The following LEPROT variants were observed in gnomAD, a reference collection of about 807,000 sequenced individuals.
LEPROT encodes the protein leptin receptor gene-related protein.
LEPROT carries 3 observed loss-of-function variants against 15.4 expected under a neutral mutation model. That is an observed-to-expected ratio of 0.19 (90% CI 0.09 to 0.50). The LOEUF is 0.50. LEPROT is among the 20% of genes least tolerant of loss of function. The pLI is 0.97. For missense variants in LEPROT, 137 were observed against 162.2 expected, an observed-to-expected ratio of 0.84 and a Z score of 0.84; for synonymous variants, 59 against 57.5, an observed-to-expected ratio of 1.03 and a Z score of -0.12.
chr1:65,429,342 G>C (rs1203658978), intron 2 of LEPROT, among the ~76,000 whole-genome samples: 1 of 152,084 alleles, frequency 6.6e-6, no homozygotes, highest in Non-Finnish European at 1.5e-5. Flanking sequence ...AAAAAAGGCT[G>C]GTGTGGCTAC....
At position 65,431,914 on chromosome 1, in the gene LEPROT, T is replaced by C. The variant is rs1307392313; in HGVS notation, c.391T>C (p.Trp131Arg). 6.2e-7 allele frequency: 1 copy of C among 1,613,758 alleles called. No individual in the cohort carries two copies. Among genetic ancestry groups the C allele is most frequent in the Non-Finnish European group, 8.5e-7 (1 of 1,179,928 alleles). ...AGGAGATGATTTTAGCTGGGAGCAG[T>C]GGTAGCACTTTATTCTGATTACAGT... ...GRGDDFSWEQW is the reference protein window; with the variant it reads ...GRGDDFSWEQR The change falls in exon 4 of 4, where the codon TGG (tryptophan) becomes CGG (arginine). Residue 131 changes from tryptophan to arginine, a missense_variant. Coordinates refer to ENST00000371065, the MANE Select transcript of LEPROT (RefSeq NM_017526.5).
chr1:65,433,249 C>T lies in LEPROT; in HGVS notation c.*1330C>T. 1.0e-6 allele frequency: 1 copy of T among 985,394 alleles called. No homozygotes were observed. The highest frequency in any genetic ancestry group is 1.2e-6 in the Non-Finnish European group (1 of 829,948). The allele number at this position is 985,394 out of a possible 1,614,324, so 61.0% of individuals were successfully genotyped here. A position where few individuals can be genotyped will look rare whatever the true frequency, so the allele number is the denominator to read the frequency against. On this transcript the variant is annotated 3_prime_UTR_variant, in exon 4 of 4. Transcript: ENST00000371065. ...CTTCTTCCCGAAGAGATATAGGAGC[C>T]ATGTAAGCACGCAGTGGGTGAACTG...
At chr1:65,430,196 G>A (rs1349614134) in intron 3 of LEPROT, 148 bp downstream of exon 3, 1 of 598,530 alleles carries the variant, frequency 1.7e-6, no homozygotes, top group Non-Finnish European at 2.6e-6. Flanking sequence ...CTTTAGACCT[G>A]CCTAACAGTA....
In LEPROT at chr1:65,426,638, G is replaced by A. The variant is rs144354825; in HGVS notation, c.92+1260G>A. ...CAACAGGTTTTGTTCATCGATGTCA[G>A]GATTCAACAAGGAGGGAGAGTTCTT... On this transcript the variant is annotated intron_variant, in intron 2 of 3. Transcript: ENST00000371065. 3.1e-3 allele frequency among the ~76,000 whole-genome samples: 465 copies of A among 152,266 alleles called. 1 individual carries two copies. Among genetic ancestry groups the A allele is most frequent in the African/African-American group, 0.011 (446 of 41,544 alleles).
chr1:65,430,106 G>A, intron 3 of LEPROT, 58 bp downstream of exon 3: 1 of 1,410,998 alleles, frequency 7.1e-7, no homozygotes, highest in Non-Finnish European at 9.5e-7. Context: ...TCAGAGGCCT[G>A]TGTCTGGGAC....
chr1:65,434,356 C>T lies in LEPROT; in HGVS notation c.*2437C>T, dbSNP rs1391458126. 1 of 985,030 alleles carries T rather than the reference C, an allele frequency of 1.0e-6. No homozygotes were observed. Among genetic ancestry groups the T allele is most frequent in the African/African-American group, 1.7e-5 (1 of 57,158 alleles). 61.0% of individuals were successfully genotyped at this position (985,030 alleles called of 1,614,324 possible). A position where few individuals can be genotyped will look rare whatever the true frequency, so the allele number is the denominator to read the frequency against. Reference sequence around the variant, plus strand: ...ATATTGTACAATATATTTGGAGATTCAGAGCATAGTGACTATAGTCGAAAA... The same window carrying T: ...ATATTGTACAATATATTTGGAGATTTAGAGCATAGTGACTATAGTCGAAAA... On this transcript the variant is annotated 3_prime_UTR_variant, in exon 4 of 4. Coordinates refer to ENST00000371065, the MANE Select transcript of LEPROT (RefSeq NM_017526.5).
intron 1 of LEPROT, among the ~76,000 whole-genome samples, chr1:65,424,974 C>T (rs980984683): frequency 5.9e-5 from 9 of 152,146 alleles, no homozygotes; most frequent in East Asian, 3.9e-4. Flanking sequence ...CAGTCTGTAA[C>T]GGGTCAAATG....
chr1:65,422,252 G>GAGAC (rs1392194425), intron 1 of LEPROT, among the ~76,000 whole-genome samples: 1 of 152,186 alleles, frequency 6.6e-6, no homozygotes, highest in Non-Finnish European at 1.5e-5. Flanking sequence ...TTTAGACATA[G>GAGAC]AGACATACAG....
chr1:65,425,520 GT>G, intron 2 of LEPROT, 142 bp downstream of exon 2: 1 of 618,324 alleles, frequency 1.6e-6, no homozygotes, highest in Non-Finnish European at 2.7e-6. Flanking sequence ...CAGTCCCTTT[GT>G]GGGTCAGGTG....
At chr1:65,421,440 G>T (rs990285440) in intron 1 of LEPROT, 2 of 1,536,060 alleles carry the variant, frequency 1.3e-6, no homozygotes, top group Admixed American at 2.0e-5. Flanking sequence ...AAGGTTTTTT[G>T]CAAGGCTTCC....
Position 65,434,435 on chromosome 1 carries a change from C to A in LEPROT, c.*2516C>A. On this transcript the variant is annotated 3_prime_UTR_variant, in exon 4 of 4. Transcript: ENST00000371065. ...AAGTAAATAATCTTATGAAGGGATTCTTTATCATGTTTCAAACAAGTGGGT... is the reference window on the plus strand; with the variant it reads ...AAGTAAATAATCTTATGAAGGGATTATTTATCATGTTTCAAACAAGTGGGT... 1 of 985,298 alleles carries A rather than the reference C, an allele frequency of 1.0e-6. No homozygotes were observed. Among genetic ancestry groups the A allele is most frequent in the Non-Finnish European group, 1.2e-6 (1 of 829,884 alleles). 61.0% of individuals were successfully genotyped at this position (985,298 alleles called of 1,614,324 possible). A position where few individuals can be genotyped will look rare whatever the true frequency, so the allele number is the denominator to read the frequency against.
At position 65,432,169 on chromosome 1, in the gene LEPROT, T is replaced by C. The variant is rs894312384; in HGVS notation, c.*250T>C. On this transcript the variant is annotated 3_prime_UTR_variant, in exon 4 of 4. Coordinates refer to ENST00000371065, the MANE Select transcript of LEPROT (RefSeq NM_017526.5). ...GGCTGTTCATGTAGTCACGGTGCTC[T>C]CAGAAAATATATTAACGCAGTCTTG... 1 of 1,139,992 alleles carries C rather than the reference T, an allele frequency of 8.8e-7. No individual in the cohort carries two copies. Among genetic ancestry groups the C allele is most frequent in the Non-Finnish European group, 1.1e-6 (1 of 926,704 alleles). The allele number at this position is 1,139,992 out of a possible 1,614,324, so 70.6% of individuals were successfully genotyped here.
At chr1:65,431,107 G>A (rs1258249247) in intron 3 of LEPROT, among the ~76,000 whole-genome samples, 2 of 152,180 alleles carry the variant, frequency 1.3e-5, no homozygotes, top group African/African-American at 4.8e-5. Flanking sequence ...AGATAATGGG[G>A]AAAGATTGAA....
chr1:65,431,845 G>C lies in LEPROT; in HGVS notation c.322G>C (p.Val108Leu). The C allele has an allele frequency of 1.9e-6, 3 of 1,614,104 alleles. No homozygotes were observed. The highest frequency in any genetic ancestry group is 2.5e-6 in the Non-Finnish European group (3 of 1,179,982). ...CGGCCTTGTGTTGGCAGGCAATGCAGTCATTTTCCTTACAATTCAAGGGTT... is the reference window on the plus strand; with the variant it reads ...CGGCCTTGTGTTGGCAGGCAATGCACTCATTTTCCTTACAATTCAAGGGTT... ...ACGLVLAGNA[V>L]IFLTIQGFFL... Residue 108 changes from valine (V) to leucine (L), a missense_variant, in exon 4 of 4, where the codon GTC becomes CTC. Transcript: ENST00000371065.
At chr1:65,431,672 T>G in intron 3 of LEPROT, 131 bp from the exon 4 acceptor site, 1 of 862,778 alleles carries the variant, frequency 1.2e-6, no homozygotes, top group East Asian at 2.6e-5. Context: ...TGTCTCCTGT[T>G]ACATTATTAA....
intron 1 of LEPROT, chr1:65,421,588 A>G (rs1036657514): frequency 2.9e-6 from 3 of 1,032,314 alleles, no homozygotes; most frequent in East Asian, 2.6e-5. Flanking sequence ...AAACATGTAG[A>G]TAGTATATAT....
In LEPROT at chr1:65,434,194, T is replaced by G; in HGVS notation, c.*2275T>G. 1 of 983,362 alleles carries G rather than the reference T, an allele frequency of 1.0e-6. No individual in the cohort carries two copies. The allele number at this position is 983,362 out of a possible 1,614,324, so 60.9% of individuals were successfully genotyped here. ...GCTCTATGTCTGAAAAGAGAGCTAT[T>G]CTGCAGTGCCTAAATATCATTTAAA... is the stretch of plus-strand genomic sequence containing the variant. On this transcript the variant is annotated 3_prime_UTR_variant, in exon 4 of 4. Transcript: ENST00000371065.
intron 2 of LEPROT, among the ~76,000 whole-genome samples, chr1:65,425,800 GGTT>G: frequency 6.6e-6 from 1 of 152,326 alleles, no homozygotes; most frequent in East Asian, 1.9e-4. Context: ...GCATGGCAGA[GGTT>G]GTATCTGAGC....
At chr1:65,427,223 T>C (rs1646395035) in intron 2 of LEPROT, among the ~76,000 whole-genome samples, 1 of 152,176 alleles carries the variant, frequency 6.6e-6, no homozygotes, top group Non-Finnish European at 1.5e-5. Flanking sequence ...TTATCCTCAT[T>C]TCTCGCTGGG....
Sources: gnomAD v4.1 joint callset for allele counts (sites outside exome capture counted in the v4.1 genomes callset) on GRCh38, gnomAD v4.1.1 for gene constraint, MANE v1.5 for transcripts, NCBI Gene and HGNC (gene_info 2026-07-23, HGNC 2026-07-21) for gene names.